FRMD3: variants seen among roughly 807,000 people sequenced by gnomAD.
The protein encoded by FRMD3 is FERM domain-containing protein 3.
In FRMD3, 33 loss-of-function variants were observed where a neutral mutation model predicts 70.2. The ratio of observed to expected loss-of-function variants is 0.47; its 90% confidence interval spans 0.36 to 0.63. The LOEUF (loss-of-function observed/expected upper bound fraction) is 0.63. Ranked by LOEUF, FRMD3 falls within the 20% of genes least tolerant of loss-of-function variation. FRMD3 has a pLI of 0.00. For synonymous variants in FRMD3, 279 were observed against 255.9 expected (o/e 1.09, Z -0.86); for missense variants, 632 against 711.4 (o/e 0.89, Z 1.27).
At chr9:83,486,487 G>A (rs1828693099) in intron 1 of FRMD3, among the ~76,000 whole-genome samples, 4 of 152,130 alleles carry the variant, frequency 2.6e-5, no homozygotes, top group Admixed American at 2.6e-4. Flanking sequence ...TCTTTAAAAT[G>A]ACAGGAGGTC....
chr9:83,318,348 A>G (rs1254826971), intron 6 of FRMD3, among the ~76,000 whole-genome samples: 1 of 152,080 alleles, frequency 6.6e-6, no homozygotes, highest in Non-Finnish European at 1.5e-5. Flanking sequence ...AACATGCAGT[A>G]TTTGCCTTTT....
intron 13 of FRMD3, among the ~76,000 whole-genome samples, chr9:83,266,325 C>T (rs1379996841): frequency 6.6e-6 from 1 of 152,166 alleles, no homozygotes; most frequent in Non-Finnish European, 1.5e-5. Flanking sequence ...CACACATGTG[C>T]ATGAGATATA....
the FRMD3 span, among the ~76,000 whole-genome samples, chr9:83,564,413 A>G: frequency 6.6e-6 from 1 of 152,196 alleles, no homozygotes; most frequent in Non-Finnish European, 1.5e-5. Flanking sequence ...CAAGGCCAAC[A>G]GCCTCAATCT....
intron 1 of FRMD3, among the ~76,000 whole-genome samples, chr9:83,488,098 T>A (rs777711619): frequency 2.0e-5 from 3 of 152,186 alleles, no homozygotes; most frequent in Non-Finnish European, 2.9e-5. Context: ...CACATCTGGA[T>A]ACATCAACAT....
At chr9:83,534,171 C>A (rs1231139887) in intron 1 of FRMD3, among the ~76,000 whole-genome samples, 2 of 152,142 alleles carry the variant, frequency 1.3e-5, no homozygotes, top group African/African-American at 4.8e-5. Context: ...AGGCCTCTGT[C>A]TTGTAACCCA....
chr9:83,299,338 A>G (rs956165641), intron 10 of FRMD3, 152 bp from the exon 11 acceptor site: 4 of 570,474 alleles, frequency 7.0e-6, no homozygotes, highest in Non-Finnish European at 1.2e-5. Context: ...AAATATAAGA[A>G]AAGCTTCACA....
At chr9:83,556,819 T>C in the FRMD3 span, among the ~76,000 whole-genome samples, 2 of 152,102 alleles carry the variant, frequency 1.3e-5, no homozygotes, top group African/African-American at 4.8e-5. Flanking sequence ...GTGATATTTA[T>C]ATTTTGTATA....
chr9:83,543,975 G>A, the FRMD3 span, among the ~76,000 whole-genome samples: 1 of 152,056 alleles, frequency 6.6e-6, no homozygotes, highest in Non-Finnish European at 1.5e-5. Context: ...GCCATTCCAG[G>A]GCTATTAAGG....
At chr9:83,572,365 G>T in the FRMD3 span, among the ~76,000 whole-genome samples, 4 of 152,180 alleles carry the variant, frequency 2.6e-5, no homozygotes, top group Non-Finnish European at 5.9e-5. Flanking sequence ...GCCTGAAAGG[G>T]CAGCATGTTC....
At chr9:83,295,488 C>T (rs1300584041) in intron 12 of FRMD3, among the ~76,000 whole-genome samples, 2 of 151,960 alleles carry the variant, frequency 1.3e-5, no homozygotes, top group African/African-American at 4.8e-5. Context: ...ATATTATCAA[C>T]ACCTCATATT....
At chr9:83,524,203 C>A (rs1016066077) in intron 1 of FRMD3, among the ~76,000 whole-genome samples, 4 of 152,180 alleles carry the variant, frequency 2.6e-5, no homozygotes, top group African/African-American at 9.7e-5. Context: ...CATTAAAGGG[C>A]AGATAGAAAA....
At chr9:83,507,738 A>ATATATATATATATATC (rs1208727746) in intron 1 of FRMD3, among the ~76,000 whole-genome samples, 1 of 112,446 alleles carries the variant, frequency 8.9e-6, no homozygotes, top group African/African-American at 3.2e-5. Flanking sequence ...ATATATATAT[A>ATATATATATATATATC]TCTTCTGGAA....
At chr9:83,455,632 A>C (rs975322397) in intron 1 of FRMD3, among the ~76,000 whole-genome samples, 4 of 152,204 alleles carry the variant, frequency 2.6e-5, no homozygotes, top group African/African-American at 9.6e-5. Flanking sequence ...CAGCAGCATG[A>C]AAACAGACTA....
intron 1 of FRMD3, among the ~76,000 whole-genome samples, chr9:83,502,555 C>T (rs1297114103): frequency 6.6e-6 from 1 of 151,986 alleles, no homozygotes; most frequent in Non-Finnish European, 1.5e-5. Context: ...AATAAATGGG[C>T]CTGTTAAAGA....
chr9:83,569,837 T>C, the FRMD3 span, among the ~76,000 whole-genome samples: 1 of 152,218 alleles, frequency 6.6e-6, no homozygotes, highest in African/African-American at 2.4e-5. Context: ...TTTGGCTGTG[T>C]CCCCACCCAA....
At chr9:83,312,562 A>G (rs1835401778) in intron 7 of FRMD3, among the ~76,000 whole-genome samples, 1 of 152,278 alleles carries the variant, frequency 6.6e-6, no homozygotes, top group South Asian at 2.1e-4. Context: ...ATTTCTGCAT[A>G]AAATTCACTA....
intron 1 of FRMD3, among the ~76,000 whole-genome samples, chr9:83,429,711 T>C (rs1265506127): frequency 6.6e-6 from 1 of 152,108 alleles, no homozygotes; most frequent in Non-Finnish European, 1.5e-5. Flanking sequence ...AGATTATTAG[T>C]CTTCTCCTTC....
intron 1 of FRMD3, among the ~76,000 whole-genome samples, chr9:83,438,818 T>A (rs1347762362): frequency 6.6e-6 from 1 of 152,236 alleles, no homozygotes; most frequent in Admixed American, 6.5e-5. Flanking sequence ...CTGCTGTGTG[T>A]GTTCTGTGCG....
chr9:83,333,003 G>A lies in FRMD3; in HGVS notation c.596+2513C>T, dbSNP rs114807368. ...AAGACAGATAACACTTTCTTGACCT[G>A]TGTATGAAGGGGTGGTGGCACCCCC... On this transcript the variant is annotated intron_variant, in intron 6 of 13. Transcript: ENST00000304195. Among the ~76,000 whole-genome samples, 4 of 152,200 alleles carry A rather than the reference G, an allele frequency of 2.6e-5. No individual in the cohort carries two copies. In the South Asian group the frequency reaches 6.2e-4, roughly 24 times the overall value.
Sources: gnomAD v4.1 joint callset for allele counts (sites outside exome capture counted in the v4.1 genomes callset) on GRCh38, gnomAD v4.1.1 for gene constraint, MANE v1.5 for transcripts, NCBI Gene and HGNC (gene_info 2026-07-23, HGNC 2026-07-21) for gene names.